The following PLXNB3 variants were observed in gnomAD, a reference collection of about 807,000 sequenced individuals.
PLXNB3 encodes plexin B3.
PLXNB3 carries 80 observed loss-of-function variants against 125.7 expected under a neutral mutation model. The ratio of observed to expected loss-of-function variants is 0.64; its 90% CI spans 0.53 to 0.77. The LOEUF (loss-of-function observed/expected upper bound fraction) is 0.77, where lower values mean the gene tolerates loss of function less well. Among genes scored for constraint, PLXNB3 ranks in the 30% least tolerant of loss-of-function variants. The probability of loss-of-function intolerance (pLI) is 0.00; values close to 1 mark genes in which losing one functional copy is unlikely to be tolerated. For missense variants in PLXNB3, 1,836 were observed against 1,729.3 expected (o/e 1.06, Z -1.09); for synonymous variants, 954 against 783.3 (o/e 1.22, Z -3.64).
chrX:153,771,782 TG>T, intron 14 of PLXNB3, 81 bp from the exon 15 acceptor site: 1 of 1,148,517 alleles, frequency 8.7e-7, no homozygotes, highest in South Asian at 1.9e-5. Context: ...CTGGCTGGGC[TG>T]GTTGGCTGGC....
intron 15 of PLXNB3, 76 bp from the exon 16 acceptor site, chrX:153,772,106 C>A: frequency 1.1e-6 from 1 of 889,733 alleles, no homozygotes; most frequent in Non-Finnish European, 1.4e-6. Flanking sequence ...AAACCTGGGG[C>A]ACTCGGGTCA....
chrX:153,769,986 C>T (rs782183623), intron 7 of PLXNB3, 47 bp downstream of exon 7: 26 of 1,191,621 alleles, frequency 2.2e-5, no homozygotes, highest in Non-Finnish European at 2.5e-5. Context: ...ATGACCACTG[C>T]CTGGAGCATG....
intron 22 of PLXNB3, 31 bp from the exon 23 acceptor site, chrX:153,774,675 C>T (rs1433082434): frequency 4.0e-5 from 46 of 1,150,695 alleles, no homozygotes; most frequent in Non-Finnish European, 5.2e-5. Flanking sequence ...TGGCCCCGGC[C>T]CTGGCTGATG....
Position 153,773,605 on chromosome X carries a change from G to C in PLXNB3, c.3171G>C (p.Glu1057Asp). ...LLSVWLEADAEVQASRAQPQD... is the reference protein window; with the variant it reads ...LLSVWLEADADVQASRAQPQD... Reference sequence around the variant, plus strand: ...CTGTGTGGCTGGAGGCTGACGCAGAGGTGCAGGCTTCCAGGGCCCAGCCCC... The same window carrying C: ...CTGTGTGGCTGGAGGCTGACGCAGACGTGCAGGCTTCCAGGGCCCAGCCCC... Residue 1057 changes from glutamate to aspartate, a missense_variant, in exon 19 of 36, where the codon GAG becomes GAC. Coordinates refer to ENST00000361971, the MANE Select transcript of PLXNB3 (RefSeq NM_005393.3). 4 of 1,206,181 alleles carry C rather than the reference G, an allele frequency of 3.3e-6. No individual in the cohort carries two copies. Among genetic ancestry groups the C allele is most frequent in the Non-Finnish European group, 4.5e-6 (4 of 893,188 alleles).
chrX:153,769,497 G>T (rs782141907), intron 6 of PLXNB3, among the ~76,000 whole-genome samples: 5 of 112,404 alleles, frequency 4.4e-5, no homozygotes, highest in African/African-American at 1.6e-4. Context: ...CCCCAGCCAG[G>T]GTCCAGAACC....
chrX:153,766,469 C>A, intron 2 of PLXNB3: 1 of 1,067,501 alleles, frequency 9.4e-7, no homozygotes, highest in Admixed American at 4.2e-5. Flanking sequence ...CCGCGGCCTC[C>A]CTCCCTCCCC....
At chrX:153,765,680 C>T (rs1440398407) in intron 2 of PLXNB3, 100 bp downstream of exon 2, 1 of 1,156,791 alleles carries the variant, frequency 8.6e-7, no homozygotes, top group Non-Finnish European at 1.2e-6. Flanking sequence ...CTGCAGCCTC[C>T]CTCATGGCAG....
Position 153,776,059 on chromosome X carries a change from G to A in PLXNB3, c.4574G>A (p.Gly1525Glu). Reference sequence around the variant, plus strand: ...ACGCTGATGGTGCTGGTGGGGCCCGGGGCTGGCGGGGCCGCAGGCAGCAGC... The same window carrying A: ...ACGCTGATGGTGCTGGTGGGGCCCGAGGCTGGCGGGGCCGCAGGCAGCAGC... ...PLTLMVLVGP[G>E]AGGAAGSSEM... The change falls in exon 27 of 36, where the codon GGG becomes GAG. Residue 1525 changes from glycine (G) to glutamate (E), a missense_variant. Transcript: ENST00000361971. 2 of 1,196,173 alleles carry A rather than the reference G, an allele frequency of 1.7e-6. No individual in the cohort carries two copies. The highest frequency in any genetic ancestry group is 2.3e-6 in the Non-Finnish European group (2 of 888,037).
rs782084008 is a variant in PLXNB3 at position 153,767,410 on chromosome X, A to C, written c.583A>C (p.Lys195Gln). The change falls in exon 3 of 36, where the codon AAG becomes CAG. Residue 195 changes from lysine (K) to glutamine (Q), a missense_variant. Transcript: ENST00000361971. ...GCTTGTGGCCAGAGGCCTGGCGGGC[A>C]AGCTGTCGGCAGGGGTGCCACCCCT... ...LLLVARGLAGKLSAGVPPLAI... is the reference protein window; with the variant it reads ...LLLVARGLAGQLSAGVPPLAI... 1.7e-6 allele frequency: 2 copies of C among 1,184,038 alleles called. No homozygotes were observed. The highest frequency in any genetic ancestry group is 2.3e-6 in the Non-Finnish European group (2 of 880,909).
At position 153,770,465 on chromosome X, in the gene PLXNB3, C is replaced by A. The variant is rs1557061290; in HGVS notation, c.1895+19C>A. On this transcript the variant is annotated intron_variant, in intron 9 of 35. Coordinates refer to ENST00000361971, the MANE Select transcript of PLXNB3 (RefSeq NM_005393.3). ...CTGCCCCGTGAGTCCCTGGGCCTGCCTCCTGGGGTAGGGGTGGCGACCCCA... is the reference window on the plus strand; with the variant it reads ...CTGCCCCGTGAGTCCCTGGGCCTGCATCCTGGGGTAGGGGTGGCGACCCCA... The A allele has an allele frequency of 3.3e-6, 4 of 1,201,056 alleles. No individual in the cohort carries two copies. The highest frequency in any genetic ancestry group is 1.7e-5 in the African/African-American group (1 of 57,523).
At chrX:153,775,494 G>C in intron 25 of PLXNB3, 91 bp downstream of exon 25, 2 of 1,134,540 alleles carry the variant, frequency 1.8e-6, no homozygotes, top group Non-Finnish European at 2.4e-6. Context: ...CCAGGGGCGG[G>C]TGGGGCCAGG....
Position 153,774,464 on chromosome X carries a change from C to G in PLXNB3, c.3723C>G (p.Tyr1241Ter). The G allele has an allele frequency of 8.3e-7, 1 of 1,204,262 alleles. No individual in the cohort carries two copies. Among genetic ancestry groups the G allele is most frequent in the Non-Finnish European group, 1.1e-6 (1 of 892,146 alleles). ...NVQLALGPVQ[Y>*]EAEPPLSAFP... ...AGCTGGCCCTGGGCCCTGTGCAGTA[C>G]GAGGCTGAACCCCCGCTGTCTGCCT... is the stretch of plus-strand genomic sequence containing the variant. Residue 1241 changes from tyrosine to a stop codon, truncating the protein, a stop_gained, in exon 22 of 36, where the codon TAC (tyrosine) becomes TAG (stop). Coordinates refer to ENST00000361971, the MANE Select transcript of PLXNB3 (RefSeq NM_005393.3). LOFTEE classifies it high-confidence loss of function.
In PLXNB3 at chrX:153,770,607, C is replaced by T; in HGVS notation, c.1975C>T (p.Pro659Ser). The change falls in exon 10 of 36, where the codon CCA becomes TCA. Residue 659 changes from proline to serine, a missense_variant. By Grantham distance (74) the Pro-to-Ser change is moderately conservative (BLOSUM62 -1). Coordinates refer to ENST00000361971, the MANE Select transcript of PLXNB3 (RefSeq NM_005393.3). ...CCACTGCGTGTACGGAGAGCACTGC[C>T]CAGAGGGCGAGAGGACCATCTACAG... The part of the protein sequence containing the change: ...SSHCVYGEHC[P>S]EGERTIYSAQ... The T allele has an allele frequency of 8.3e-7, 1 of 1,211,085 alleles. No homozygotes were observed. Among genetic ancestry groups the T allele is most frequent in the Non-Finnish European group, 1.1e-6 (1 of 895,303 alleles).
Position 153,774,286 on chromosome X carries a change from G to T in PLXNB3, c.3620G>T (p.Cys1207Phe), listed in dbSNP as rs782452845. 12 of 1,170,608 alleles carry T rather than the reference G, an allele frequency of 1.0e-5. No homozygotes were observed. The highest frequency in any genetic ancestry group is 1.4e-5 in the Non-Finnish European group (12 of 878,540). ...VKTLTRTHLY[C>F]EPPAHAPQPA... ...ACGCTCACGCGCACCCACCTGTACT[G>T]CGAGCCGCCTGCGCACGCCCCGCAG... The change falls in exon 21 of 36, where the codon TGC becomes TTC. Residue 1207 changes from cysteine (C) to phenylalanine (F), a missense_variant. By Grantham distance (205) the Cys-to-Phe change is radical. Transcript: ENST00000361971.
intron 6 of PLXNB3, 77 bp from the exon 7 acceptor site, chrX:153,769,729 GC>G: frequency 9.5e-7 from 1 of 1,057,782 alleles, no homozygotes; most frequent in Non-Finnish European, 1.3e-6. Flanking sequence ...AGCTGGGCCG[GC>G]CTCCCCAGGC....
Position 153,769,045 on chromosome X carries a change from G to A in PLXNB3, c.1364G>A (p.Gly455Asp). ...ISPDLLLDSSGSHLYVLTAHQ... is the reference protein window; with the variant it reads ...ISPDLLLDSSDSHLYVLTAHQ... ...CCAGACCTGCTGCTGGACAGCAGTGGCAGTCACCTCTATGTCCTGACTGCC... is the reference window on the plus strand; with the variant it reads ...CCAGACCTGCTGCTGGACAGCAGTGACAGTCACCTCTATGTCCTGACTGCC... Residue 455 changes from glycine to aspartate, a missense_variant, in exon 5 of 36, where the codon GGC (glycine) becomes GAC (aspartate). Coordinates refer to ENST00000361971, the MANE Select transcript of PLXNB3 (RefSeq NM_005393.3). The A allele has an allele frequency of 2.5e-6, 3 of 1,210,897 alleles. No individual in the cohort carries two copies. The highest frequency in any genetic ancestry group is 2.3e-4 in the Middle Eastern group (1 of 4,347).
In PLXNB3 at chrX:153,773,488, C is replaced by T. The variant is rs368887043; in HGVS notation, c.3084-30C>T. On this transcript the variant is annotated intron_variant, in intron 18 of 35. Coordinates refer to ENST00000361971, the MANE Select transcript of PLXNB3 (RefSeq NM_005393.3). ...GGGCTGGGCTATGTTGCCCACCGCC[C>T]GCCCACACCCGACTGCCATCCTGGT... 45 of 1,181,366 alleles carry T rather than the reference C, an allele frequency of 3.8e-5. No individual in the cohort carries two copies. The African/African-American group carries it at 6.3e-4, about 17-fold the overall frequency.
In PLXNB3 at chrX:153,769,183, G is replaced by C. The variant is rs782083217; in HGVS notation, c.1417G>C (p.Ala473Pro). 1 of 1,186,036 alleles carries C rather than the reference G, an allele frequency of 8.4e-7. No individual in the cohort carries two copies. Among genetic ancestry groups the C allele is most frequent in the South Asian group, 1.8e-5 (1 of 54,250 alleles). The change falls in exon 6 of 36, where the codon GCC becomes CCC. Residue 473 changes from alanine to proline, a missense_variant. Physicochemically the swap from Ala to Pro is conservative, Grantham distance 27 (BLOSUM62 -1). Coordinates refer to ENST00000361971, the MANE Select transcript of PLXNB3 (RefSeq NM_005393.3). ...CCAGGTGGACCGGATACCTGTGGCA[G>C]CCTGCCCCCAGTTCCCTGACTGTGC... ...AHQVDRIPVA[A>P]CPQFPDCASC...
rs1557061800 is a variant in PLXNB3 at position 153,771,365 on chromosome X, G to A, written c.2309G>A (p.Gly770Asp). ...CCAGTGCCCATCTACGTCACCCAGG[G>A]TGAAGCCCAGAGGCTGGACAACACC... ...ELPVPIYVTQ[G>D]EAQRLDNTHA... Residue 770 changes from glycine (G) to aspartate (D), a missense_variant, in exon 13 of 36, where the codon GGT becomes GAT. Coordinates refer to ENST00000361971, the MANE Select transcript of PLXNB3 (RefSeq NM_005393.3). 5.0e-6 allele frequency: 6 copies of A among 1,209,617 alleles called. No homozygotes were observed. The Admixed American group carries it at 1.1e-4, about 22-fold the overall frequency.
Sources: allele counts gnomAD v4.1 joint callset (sites outside exome capture counted in the v4.1 genomes callset), GRCh38; gene constraint gnomAD v4.1.1; transcripts MANE v1.5; gene names NCBI Gene and HGNC (gene_info 2026-07-23, HGNC 2026-07-21).